Variants in CNTN4 observed in about 807,000 individuals in gnomAD.
The protein encoded by CNTN4 is contactin 4.
CNTN4 carries 77 observed loss-of-function variants against 122.5 expected under a neutral mutation model. That is an observed-to-expected ratio of 0.63 (90% CI 0.52 to 0.76). The LOEUF (loss-of-function observed/expected upper bound fraction) is 0.76. Among genes scored for constraint, CNTN4 ranks in the 30% least tolerant of loss-of-function variants. The pLI is 0.00. For missense variants in CNTN4, 1,256 were observed against 1,259.1 expected (o/e 1.00, Z 0.04); for synonymous variants, 512 against 447.0 (o/e 1.15, Z -1.83).
chr3:2,823,209 A>C (rs1002843231), intron 7 of CNTN4, among the ~76,000 whole-genome samples: 1 of 152,220 alleles, frequency 6.6e-6, no homozygotes, highest in African/African-American at 2.4e-5. Flanking sequence ...TAGACCCAGC[A>C]TATGGTCTCC....
rs898735353 is a variant in CNTN4 at position 2,385,378 on chromosome 3, G to A, written c.-89+46145G>A. 3.9e-5 allele frequency among the ~76,000 whole-genome samples: 6 copies of A among 151,902 alleles called. No individual in the cohort carries two copies. The highest frequency in any genetic ancestry group is 9.7e-5 in the African/African-American group (4 of 41,374). On this transcript the variant is annotated intron_variant, in intron 3 of 24. Transcript: ENST00000418658. This position sits in a 1 kb window ranked among gnomAD's most constrained non-coding sequence, Gnocchi z 4.0. ...TGAATAACCTATTAGCATACTTAAG[G>A]CAGAGTCTTTGTCCTTTTCTCCACT...
In CNTN4 at chr3:3,043,069, A is replaced by G. The variant is rs537122049; in HGVS notation, c.2604A>G (p.Lys868=). The G allele has an allele frequency of 6.2e-7, 1 of 1,614,208 alleles. No homozygotes were observed. The highest frequency in any genetic ancestry group is 1.3e-5 in the African/African-American group (1 of 75,050). ...CATCAACAAAAATCACGAACTTAAA[A>G]GGCAGTGTGCTGTATCACTTAGCTG... The part of the protein sequence containing the change: ...NQTSTKITNL[K]GSVLYHLAVK... The change falls in exon 22 of 25, where the codon AAA becomes AAG. Residue 868 remains lysine (K), a synonymous_variant. Coordinates refer to ENST00000418658, the MANE Select transcript of CNTN4 (RefSeq NM_175607.3).
At chr3:2,212,664 C>T (rs1035674727) in intron 2 of CNTN4, among the ~76,000 whole-genome samples, 1 of 152,176 alleles carries the variant, frequency 6.6e-6, no homozygotes, top group African/African-American at 2.4e-5. Context: ...CACAGCCAAA[C>T]CGTATCAGCT....
intron 13 of CNTN4, among the ~76,000 whole-genome samples, chr3:2,942,750 A>G (rs1050961835): frequency 1.3e-5 from 2 of 152,212 alleles, no homozygotes; most frequent in Non-Finnish European, 2.9e-5. Context: ...AAGAAGTACA[A>G]TTTAAACATT....
intron 2 of CNTN4, among the ~76,000 whole-genome samples, chr3:2,167,826 T>G (rs2036269887): frequency 2.0e-5 from 3 of 152,210 alleles, no homozygotes; most frequent in African/African-American, 4.8e-5. Flanking sequence ...TTTCCTCGTT[T>G]GAGAACCCCT....
chr3:2,345,269 C>A (rs113321349), intron 3 of CNTN4, among the ~76,000 whole-genome samples: 1 of 152,094 alleles, frequency 6.6e-6, no homozygotes, highest in Admixed American at 6.5e-5. Flanking sequence ...TTTTTTTACC[C>A]TTTCAGACAC....
At chr3:2,446,329 AT>A (rs1206731064) in intron 3 of CNTN4, among the ~76,000 whole-genome samples, 1 of 132,026 alleles carries the variant, frequency 7.6e-6, no homozygotes, top group Non-Finnish European at 1.6e-5. Flanking sequence ...ACTGCAGCAC[AT>A]ATGTTACAAT....
intron 4 of CNTN4, among the ~76,000 whole-genome samples, chr3:2,675,333 T>C (rs980962874): frequency 1.3e-5 from 2 of 152,120 alleles, no homozygotes; most frequent in East Asian, 3.9e-4. Context: ...CTTTTCTCTT[T>C]CTGGAATTAT....
At position 2,745,558 on chromosome 3, in the gene CNTN4, G is replaced by A; in HGVS notation, c.219G>A (p.Met73Ile). 2 of 1,614,138 alleles carry A rather than the reference G, an allele frequency of 1.2e-6. No individual in the cohort carries two copies. Among genetic ancestry groups the A allele is most frequent in the Non-Finnish European group, 1.7e-6 (2 of 1,179,994 alleles). ...KLNGTDVDTG[M>I]DFRYSVVEGS... ...ATGGAACAGATGTTGACACTGGTAT[G>A]GATTTCCGCTACAGTGTTGTTGAAG... is the stretch of plus-strand genomic sequence containing the variant. Residue 73 changes from methionine (M) to isoleucine (I), a missense_variant, in exon 6 of 25, where the codon ATG becomes ATA. Met to Ile is a conservative substitution (Grantham distance 10). Transcript: ENST00000418658.
chr3:2,399,026 G>A (rs1253103460), intron 3 of CNTN4, among the ~76,000 whole-genome samples: 1 of 152,006 alleles, frequency 6.6e-6, no homozygotes, highest in East Asian at 1.9e-4. Flanking sequence ...ACAGCATTTG[G>A]GGAGAAGCAA....
At chr3:2,912,456 T>C (rs2094310989) in intron 12 of CNTN4, among the ~76,000 whole-genome samples, 1 of 152,112 alleles carries the variant, frequency 6.6e-6, no homozygotes, top group Non-Finnish European at 1.5e-5. Context: ...CAAGTTGAAA[T>C]GAAAGGATGA....
Position 2,815,873 on chromosome 3 carries a change from C to CATATAT in CNTN4, c.359-3600_359-3595dup, listed in dbSNP as rs58111735. ...CAATAAGTGGCTAAAGAAACTATGGCATATATATATATATATATGATGGAA... is the reference window on the plus strand; with the variant it reads ...CAATAAGTGGCTAAAGAAACTATGGCATATATATATATATATATATATATGATGGAA... On this transcript the variant is annotated intron_variant, in intron 6 of 24. Coordinates refer to ENST00000418658, the MANE Select transcript of CNTN4 (RefSeq NM_175607.3). Among the ~76,000 whole-genome samples the CATATAT allele has an allele frequency of 5.7e-3, 809 of 141,220 alleles. 21 individuals carry two copies. Among genetic ancestry groups the CATATAT allele is most frequent in the East Asian group, 0.034 (171 of 5,072 alleles). 92.6% of individuals were successfully genotyped at this position (141,220 alleles called of 152,430 possible). A position where few individuals can be genotyped will look rare whatever the true frequency, so the allele number is the denominator to read the frequency against.
intron 3 of CNTN4, among the ~76,000 whole-genome samples, chr3:2,403,149 A>G (rs569916303): frequency 6.8e-4 from 103 of 152,002 alleles, no homozygotes; most frequent in African/African-American, 2.4e-3. Flanking sequence ...CCTTCTCTCT[A>G]TATACTAGTC....
At chr3:2,963,097 G>A (rs1176394561) in intron 13 of CNTN4, among the ~76,000 whole-genome samples, 2 of 152,048 alleles carry the variant, frequency 1.3e-5, no homozygotes, top group African/African-American at 4.8e-5. Context: ...TCTGCCCATC[G>A]AGTCAGACTG....
intron 2 of CNTN4, among the ~76,000 whole-genome samples, chr3:2,293,575 G>A (rs2150013291): frequency 1.3e-5 from 2 of 152,200 alleles, no homozygotes; most frequent in South Asian, 2.1e-4. Context: ...ATAAGATTTT[G>A]TGATACTAAA....
intron 4 of CNTN4, among the ~76,000 whole-genome samples, chr3:2,641,214 A>G (rs551876211): frequency 2.0e-5 from 3 of 152,228 alleles, no homozygotes; most frequent in Non-Finnish European, 2.9e-5. Context: ...GGCCTTTGCA[A>G]ATTGCTCCAT....
chr3:2,621,573 C>G (rs1274021510), intron 4 of CNTN4, among the ~76,000 whole-genome samples: 1 of 151,998 alleles, frequency 6.6e-6, no homozygotes, highest in East Asian at 1.9e-4. Flanking sequence ...GTGCAGCAAA[C>G]CACCATGGCA....
At chr3:2,578,373 C>T (rs2079789476) in intron 4 of CNTN4, among the ~76,000 whole-genome samples, 1 of 152,156 alleles carries the variant, frequency 6.6e-6, no homozygotes, top group Non-Finnish European at 1.5e-5. Flanking sequence ...CAGAATATTT[C>T]ATTAAAGCTC....
At chr3:2,842,638 C>T (rs979176077) in intron 7 of CNTN4, among the ~76,000 whole-genome samples, 1 of 152,094 alleles carries the variant, frequency 6.6e-6, no homozygotes, top group Non-Finnish European at 1.5e-5. Context: ...GGGACTTTTC[C>T]CCAGAATTGC....
Sources: allele counts gnomAD v4.1 joint callset (sites outside exome capture counted in the v4.1 genomes callset), GRCh38; gene constraint gnomAD v4.1.1; non-coding constraint Gnocchi (gnomAD v3.1); transcripts MANE v1.5; gene names NCBI Gene and HGNC (gene_info 2026-07-23, HGNC 2026-07-21).